HYCC1: variants seen among roughly 807,000 people sequenced by gnomAD.
HYCC1 encodes the protein hyccin.
the HYCC1 span, among the ~76,000 whole-genome samples, chr7:22,954,858 C>A: frequency 1.3e-5 from 2 of 151,492 alleles, no homozygotes; most frequent in East Asian, 1.9e-4. Flanking sequence ...TCTGCCAGGA[C>A]CAAAAGTAGG....
the HYCC1 span, chr7:22,940,119 T>G: frequency 1.3e-5 from 2 of 151,946 alleles, no homozygotes; most frequent in African/African-American, 2.4e-5. Flanking sequence ...CTTCTAAGAG[T>G]AGTTAAGAAC....
chr7:22,897,955 T>C, the HYCC1 span, among the ~76,000 whole-genome samples: 1 of 151,902 alleles, frequency 6.6e-6, no homozygotes. Flanking sequence ...ATTGCTATCA[T>C]CATGATTATT....
chr7:22,988,485 C>A, the HYCC1 span, among the ~76,000 whole-genome samples: 1 of 152,036 alleles, frequency 6.6e-6, no homozygotes, highest in African/African-American at 2.4e-5. Context: ...TTTATTCATA[C>A]TCTGGTTTCT....
the HYCC1 span, among the ~76,000 whole-genome samples, chr7:22,991,693 C>A: frequency 6.6e-6 from 1 of 152,020 alleles, no homozygotes; most frequent in Non-Finnish European, 1.5e-5. Context: ...CTGGGATTTA[C>A]TTAAGTATAA....
At chr7:22,933,401 A>T in the HYCC1 span, among the ~76,000 whole-genome samples, 1 of 152,114 alleles carries the variant, frequency 6.6e-6, no homozygotes, top group East Asian at 1.9e-4. Context: ...TGACCTTTTC[A>T]TCATTATAAA....
At chr7:22,959,800 T>C in the HYCC1 span, among the ~76,000 whole-genome samples, 1 of 152,078 alleles carries the variant, frequency 6.6e-6, no homozygotes, top group African/African-American at 2.4e-5. Context: ...ATACAACTAG[T>C]GTTGCGTCAA....
At chr7:22,980,531 C>G in the HYCC1 span, among the ~76,000 whole-genome samples, 2 of 152,172 alleles carry the variant, frequency 1.3e-5, no homozygotes, top group East Asian at 3.9e-4. Context: ...CTAGTGGTAA[C>G]AGGCACATGA....
chr7:22,968,410 C>A, the HYCC1 span, among the ~76,000 whole-genome samples: 1 of 152,312 alleles, frequency 6.6e-6, no homozygotes, highest in Non-Finnish European at 1.5e-5. Flanking sequence ...AATCCCCAGA[C>A]AGAAGCAACT....
chr7:22,944,911 C>G, the HYCC1 span: 1 of 152,286 alleles, frequency 6.6e-6, no homozygotes, highest in African/African-American at 2.4e-5. Context: ...GAGATAACAA[C>G]AGAAATGCCT....
chr7:23,002,703 C>T, the HYCC1 span, among the ~76,000 whole-genome samples: 4 of 152,114 alleles, frequency 2.6e-5, no homozygotes, highest in African/African-American at 9.7e-5. Context: ...TGGGAACAGG[C>T]AAATTAAGGG....
the HYCC1 span, among the ~76,000 whole-genome samples, chr7:22,905,317 G>A: frequency 2.7e-5 from 4 of 150,006 alleles, no homozygotes; most frequent in African/African-American, 7.4e-5. Flanking sequence ...CGATTCTCCT[G>A]TCTCAGCCTC....
chr7:22,978,343 G>A, the HYCC1 span: 2 of 1,614,068 alleles, frequency 1.2e-6, no homozygotes, highest in Non-Finnish European at 1.7e-6. Context: ...GAGACTGCAA[G>A]GTAGCACCAA....
At chr7:23,009,343 C>T in the HYCC1 span, among the ~76,000 whole-genome samples, 5 of 152,064 alleles carry the variant, frequency 3.3e-5, no homozygotes, top group Non-Finnish European at 5.9e-5. Flanking sequence ...CAATATCATG[C>T]TAACATTGAT....
the HYCC1 span, among the ~76,000 whole-genome samples, chr7:22,971,340 T>C: frequency 6.7e-6 from 1 of 149,120 alleles, no homozygotes; most frequent in Non-Finnish European, 1.5e-5. Context: ...AGATTATTAT[T>C]ATCGGATCTC....
At chr7:22,961,140 T>C in the HYCC1 span, 1 of 772,588 alleles carries the variant, frequency 1.3e-6, no homozygotes, top group Middle Eastern at 2.9e-4. Flanking sequence ...TGAGTATTAA[T>C]GACATATTAA....
the HYCC1 span, among the ~76,000 whole-genome samples, chr7:22,918,298 T>C: frequency 3.9e-5 from 6 of 152,278 alleles, no homozygotes; most frequent in Middle Eastern, 3.4e-3. Context: ...TACAAAACCA[T>C]ATCCAGGCCA....
chr7:22,957,844 A>C, the HYCC1 span, among the ~76,000 whole-genome samples: 2 of 137,840 alleles, frequency 1.5e-5, no homozygotes, highest in Admixed American at 7.2e-5. Context: ...AAACATTATG[A>C]GATAAAAAGG....
the HYCC1 span, among the ~76,000 whole-genome samples, chr7:22,951,843 T>A: frequency 6.6e-6 from 1 of 151,606 alleles, no homozygotes; most frequent in Non-Finnish European, 1.5e-5. Flanking sequence ...AAAAACAAAA[T>A]ACCAAAAAAG....
the HYCC1 span, among the ~76,000 whole-genome samples, chr7:22,990,722 C>T: frequency 5.3e-5 from 8 of 152,208 alleles, no homozygotes; most frequent in African/African-American, 1.7e-4. Flanking sequence ...ACCCCAGTTC[C>T]ACTGCCCTCC....
Sources: allele counts gnomAD v4.1 joint callset (sites outside exome capture counted in the v4.1 genomes callset), GRCh38; gene constraint gnomAD v4.1.1; transcripts MANE v1.5; gene names NCBI Gene and HGNC (gene_info 2026-07-23, HGNC 2026-07-21).